Variants in NALCN observed in about 807,000 individuals in gnomAD.
NALCN encodes sodium leak channel NALCN.
NALCN carries 111 observed loss-of-function variants against 225.3 expected under a neutral mutation model. The ratio of observed to expected loss-of-function variants is 0.49; its 90% confidence interval spans 0.42 to 0.58. NALCN has a LOEUF of 0.58. Ranked by LOEUF, NALCN falls within the 20% of genes least tolerant of loss-of-function variation. The pLI is 0.00. For synonymous variants in NALCN, 764 were observed against 769.0 expected, an observed-to-expected ratio of 0.99 and a Z score of 0.11; for missense variants, 1,378 against 2,202.4, an observed-to-expected ratio of 0.63 and a Z score of 7.49.
At chr13:101,149,022 A>G (rs565785126) in intron 15 of NALCN, among the ~76,000 whole-genome samples, 3 of 152,338 alleles carry the variant, frequency 2.0e-5, no homozygotes, top group African/African-American at 4.8e-5. Flanking sequence ...GGCTGGGCGC[A>G]GTGGCTCACG....
chr13:101,134,352 A>G (rs969018979), intron 17 of NALCN, among the ~76,000 whole-genome samples: 7 of 152,208 alleles, frequency 4.6e-5, no homozygotes, highest in Non-Finnish European at 8.8e-5. Flanking sequence ...CTAGGCACCC[A>G]GCACAAGTTG....
intron 17 of NALCN, among the ~76,000 whole-genome samples, chr13:101,136,870 A>G (rs2036825336): frequency 6.6e-6 from 1 of 152,192 alleles, no homozygotes; most frequent in Non-Finnish European, 1.5e-5. Flanking sequence ...ATCCTTGAGG[A>G]ATAGCACGCT....
chr13:101,152,493 C>A (rs1452747301), intron 15 of NALCN, among the ~76,000 whole-genome samples: 1 of 151,980 alleles, frequency 6.6e-6, no homozygotes, highest in Non-Finnish European at 1.5e-5. Context: ...TAAGATCTTA[C>A]AAGCTTTAAA....
chr13:101,106,669 G>A (rs1183743671), intron 22 of NALCN, among the ~76,000 whole-genome samples: 2 of 152,192 alleles, frequency 1.3e-5, no homozygotes, highest in Non-Finnish European at 2.9e-5. Context: ...TAAGTCTCAT[G>A]AGATCTGATG....
intron 10 of NALCN, among the ~76,000 whole-genome samples, chr13:101,277,066 A>G (rs1874673456): frequency 6.6e-6 from 1 of 151,950 alleles, no homozygotes; most frequent in Admixed American, 6.6e-5. Context: ...ACACACACAT[A>G]GAGAGAGAGG....
In NALCN at chr13:101,089,415, CCT is replaced by C. The variant is rs2034102169; in HGVS notation, c.3489+246_3489+247del. Among the ~76,000 whole-genome samples the C allele has an allele frequency of 6.6e-6, 1 of 152,176 alleles. No individual in the cohort carries two copies. Among genetic ancestry groups the C allele is most frequent in the Non-Finnish European group, 1.5e-5 (1 of 68,030 alleles). On this transcript the variant is annotated intron_variant, in intron 30 of 43. Coordinates refer to ENST00000251127, the MANE Select transcript of NALCN (RefSeq NM_052867.4). The surrounding 1 kb of genome is among the most constrained non-coding windows in gnomAD (Gnocchi z 4.7). ...TTCAATTTGAACAATAGGAGACGCG[CCT>C]CTCAGTTGTCGGTGAATTAATGACA...
chr13:101,248,428 C>T (rs1049333747), intron 11 of NALCN, among the ~76,000 whole-genome samples: 1 of 152,144 alleles, frequency 6.6e-6, no homozygotes, highest in Non-Finnish European at 1.5e-5. Flanking sequence ...GAAGTAGCCT[C>T]TACATCCTTG....
At chr13:101,077,800 G>A (rs1177749118) in intron 34 of NALCN, among the ~76,000 whole-genome samples, 2 of 152,194 alleles carry the variant, frequency 1.3e-5, no homozygotes, top group East Asian at 3.9e-4. Context: ...CCAGGACAAT[G>A]GGGAAAATGT....
chr13:101,383,082 AT>A (rs1463860171), intron 3 of NALCN, among the ~76,000 whole-genome samples: 4 of 152,128 alleles, frequency 2.6e-5, no homozygotes, highest in Non-Finnish European at 5.9e-5. Context: ...TTTGTAAAAA[AT>A]CTTTGGCTTT....
intron 4 of NALCN, among the ~76,000 whole-genome samples, chr13:101,377,739 T>A (rs1328236642): frequency 1.3e-5 from 2 of 152,170 alleles, no homozygotes; most frequent in Non-Finnish European, 2.9e-5. Context: ...TACAACATTG[T>A]ACCTACAGTT....
intron 18 of NALCN, chr13:101,116,336 T>A: frequency 4.3e-6 from 1 of 233,056 alleles, no homozygotes; most frequent in Non-Finnish European, 8.6e-6. Context: ...ATATATATAA[T>A]CTTTTATGGA....
chr13:101,081,714 G>C, intron 33 of NALCN, 68 bp from the exon 34 acceptor site: 1 of 1,560,714 alleles, frequency 6.4e-7, no homozygotes, highest in African/African-American at 1.4e-5. Flanking sequence ...GTATTAACTT[G>C]AGATGCATTA....
chr13:101,055,431 G>T lies in NALCN; in HGVS notation c.5081C>A (p.Thr1694Lys). 1 of 1,614,108 alleles carries T rather than the reference G, an allele frequency of 6.2e-7. No homozygotes were observed. Among genetic ancestry groups the T allele is most frequent in the Non-Finnish European group, 8.5e-7 (1 of 1,180,004 alleles). ...SSVNLRFGGR[T>K]TMKSVVCKMN... is the part of the protein sequence containing the mutation. Reference sequence around the variant, plus strand: ...TTTGCACACGACAGATTTCATGGTTGTCCTTCCTCCAAACCGTAAGTTGAC... The same window carrying T: ...TTTGCACACGACAGATTTCATGGTTTTCCTTCCTCCAAACCGTAAGTTGAC... Residue 1694 changes from threonine (T) to lysine (K), a missense_variant, in exon 44 of 44, where the codon ACA becomes AAA. Physicochemically the swap from Thr to Lys is moderately conservative, Grantham distance 78 (BLOSUM62 -1). This residue lies in a region of NALCN where 145 missense variants were observed against 169.6 expected (regional missense o/e 0.85). Transcript: ENST00000251127.
chr13:101,287,415 G>A (rs1259701859), intron 9 of NALCN, among the ~76,000 whole-genome samples: 1 of 152,180 alleles, frequency 6.6e-6, no homozygotes, highest in East Asian at 1.9e-4. Context: ...TCTTGCAGCT[G>A]AGCAACCTGG....
At chr13:101,150,742 T>A (rs991353882) in intron 15 of NALCN, among the ~76,000 whole-genome samples, 3 of 144,318 alleles carry the variant, frequency 2.1e-5, no homozygotes, top group Non-Finnish European at 3.0e-5. Flanking sequence ...GAATAATATA[T>A]ATTATAAGAA....
chr13:101,353,643 T>A (rs1391490688), intron 6 of NALCN, among the ~76,000 whole-genome samples: 2 of 152,208 alleles, frequency 1.3e-5, no homozygotes, highest in East Asian at 3.9e-4. Context: ...ACACCTCTTT[T>A]AATAAACAAG....
chr13:101,210,259 TG>T (rs2040473868), intron 13 of NALCN, among the ~76,000 whole-genome samples: 1 of 152,170 alleles, frequency 6.6e-6, no homozygotes, highest in Non-Finnish European at 1.5e-5. Context: ...TATCCCATCA[TG>T]CTTCCTGGAA....
chr13:101,167,318 C>T (rs1366248764), intron 15 of NALCN, among the ~76,000 whole-genome samples: 1 of 152,168 alleles, frequency 6.6e-6, no homozygotes, highest in East Asian at 1.9e-4. Context: ...AACATTTTAA[C>T]AATATTAAGC....
Position 101,298,712 on chromosome 13 carries a change from T to C in NALCN, c.800-6346A>G, listed in dbSNP as rs9557608. Among the ~76,000 whole-genome samples the C allele has an allele frequency of 5.3e-5, 8 of 152,318 alleles. No homozygotes were observed. The East Asian group carries it at 1.2e-3, about 22-fold the overall frequency. On this transcript the variant is annotated intron_variant, in intron 7 of 43. Transcript: ENST00000251127. ...AAATGTAAGTTTGGTACTAGTGACA[T>C]CTGCAGGTGGATGATGCTTTAATGG...
Sources: gnomAD v4.1 joint callset for allele counts (sites outside exome capture counted in the v4.1 genomes callset) on GRCh38, gnomAD v4.1.1 for gene constraint, gnomAD v4.1.1 regional missense constraint, Gnocchi (gnomAD v3.1) non-coding constraint, MANE v1.5 for transcripts, NCBI Gene and HGNC (gene_info 2026-07-23, HGNC 2026-07-21) for gene names.